Variants in TMEM117 observed in about 807,000 individuals in gnomAD.
The protein encoded by TMEM117 is transmembrane protein 117.
TMEM117 carries 27 observed loss-of-function variants against 52.4 expected under a neutral mutation model. That is an observed-to-expected ratio of 0.51 (90% confidence interval 0.38 to 0.71). The LOEUF (loss-of-function observed/expected upper bound fraction) is 0.71, where lower values mean the gene tolerates loss of function less well. Among genes scored for constraint, TMEM117 ranks in the 30% least tolerant of loss-of-function variants. The pLI, the probability that TMEM117 is intolerant of heterozygous loss-of-function variation, is 0.00. For missense variants in TMEM117, 556 were observed against 630.5 expected (o/e 0.88, Z 1.26); for synonymous variants, 215 against 206.3 (o/e 1.04, Z -0.36).
intron 6 of TMEM117, among the ~76,000 whole-genome samples, chr12:44,374,128 A>G (rs1951905181): frequency 6.6e-6 from 1 of 152,110 alleles, no homozygotes; most frequent in African/African-American, 2.4e-5. Flanking sequence ...TCTGCAAAAC[A>G]TTAGCAATTA....
intron 2 of TMEM117, among the ~76,000 whole-genome samples, chr12:43,888,031 AAG>A (rs1331147550): frequency 6.6e-6 from 1 of 152,178 alleles, no homozygotes; most frequent in Non-Finnish European, 1.5e-5. Flanking sequence ...AAATCTGTAG[AAG>A]AGAAGTAAAG....
chr12:44,198,062 T>G (rs1949444376), intron 4 of TMEM117, among the ~76,000 whole-genome samples: 1 of 152,196 alleles, frequency 6.6e-6, no homozygotes, highest in Non-Finnish European at 1.5e-5. Flanking sequence ...CATCTGCAGT[T>G]TCCATTCACT....
At chr12:44,155,219 G>C (rs1219044534) in intron 4 of TMEM117, among the ~76,000 whole-genome samples, 2 of 151,974 alleles carry the variant, frequency 1.3e-5, no homozygotes, top group Admixed American at 6.6e-5. Flanking sequence ...ACCCCACTGA[G>C]GGTCTCTCTT....
At chr12:44,095,348 AAAAT>A (rs1469093181) in intron 3 of TMEM117, among the ~76,000 whole-genome samples, 1 of 152,148 alleles carries the variant, frequency 6.6e-6, no homozygotes, top group African/African-American at 2.4e-5. Flanking sequence ...AACTTTGAGA[AAAAT>A]AAGTAAATTC....
intron 2 of TMEM117, among the ~76,000 whole-genome samples, chr12:43,924,547 A>G (rs1944747891): frequency 1.3e-5 from 2 of 152,228 alleles, no homozygotes; most frequent in Non-Finnish European, 2.9e-5. Context: ...TTATTTTCAC[A>G]AATGTTCTTT....
chr12:44,227,148 C>A (rs1194942188), intron 5 of TMEM117, among the ~76,000 whole-genome samples: 1 of 152,116 alleles, frequency 6.6e-6, no homozygotes, highest in Non-Finnish European at 1.5e-5. Context: ...ATTACAGGGT[C>A]ATAGCAGTAA....
intron 5 of TMEM117, among the ~76,000 whole-genome samples, chr12:44,260,354 G>T (rs182539431): frequency 7.2e-5 from 11 of 151,952 alleles, no homozygotes; most frequent in African/African-American, 2.7e-4. Flanking sequence ...ATGCTGCCTC[G>T]GCCATCAGGT....
chr12:44,370,505 CTTTTTT>C (rs947989035), intron 6 of TMEM117, among the ~76,000 whole-genome samples: 2 of 120,426 alleles, frequency 1.7e-5, no homozygotes, highest in Non-Finnish European at 3.4e-5. Context: ...CACAGAGATT[CTTTTTT>C]TTTTTTTTTT....
intron 3 of TMEM117, among the ~76,000 whole-genome samples, chr12:43,980,729 C>A (rs1213089628): frequency 1.3e-5 from 2 of 152,116 alleles, no homozygotes; most frequent in Admixed American, 6.5e-5. Context: ...TCTGGCCAAG[C>A]AACAGATGAA....
chr12:44,094,954 G>A (rs933075785), intron 3 of TMEM117, among the ~76,000 whole-genome samples: 13 of 152,018 alleles, frequency 8.6e-5, no homozygotes, highest in Non-Finnish European at 1.6e-4. Flanking sequence ...CGTATGTACC[G>A]TCATATTTTT....
At chr12:44,380,293 CT>C (rs1952002605) in intron 7 of TMEM117, among the ~76,000 whole-genome samples, 1 of 152,134 alleles carries the variant, frequency 6.6e-6, no homozygotes, top group African/African-American at 2.4e-5. Context: ...GGGAAAGGTG[CT>C]GGTCTGAGTG....
At chr12:43,891,626 A>G (rs1392924669) in intron 2 of TMEM117, among the ~76,000 whole-genome samples, 2 of 151,890 alleles carry the variant, frequency 1.3e-5, no homozygotes, top group Non-Finnish European at 2.9e-5. Context: ...TTGGCCTCCC[A>G]AAGTGCTGGG....
At chr12:44,023,066 T>G (rs923158513) in intron 3 of TMEM117, among the ~76,000 whole-genome samples, 4 of 152,160 alleles carry the variant, frequency 2.6e-5, no homozygotes, top group Admixed American at 6.6e-5. Context: ...AGACTGCCCT[T>G]GCATGAAAAC....
At chr12:43,863,935 G>T (rs1027475503) in intron 2 of TMEM117, among the ~76,000 whole-genome samples, 1 of 152,210 alleles carries the variant, frequency 6.6e-6, no homozygotes, top group Admixed American at 6.5e-5. Context: ...TGCGCCCGGC[G>T]CTTGCGGGCC....
chr12:44,310,063 A>T (rs1411269779), intron 6 of TMEM117, among the ~76,000 whole-genome samples: 1 of 152,156 alleles, frequency 6.6e-6, no homozygotes, highest in Non-Finnish European at 1.5e-5. Flanking sequence ...TCCTCTTGTT[A>T]CAAGATTTTT....
rs1428920475 is a variant in TMEM117 at position 44,388,539 on chromosome 12, C to T, written c.1412C>T (p.Ser471Phe). ...GACCCTTCTTTGGTTTGCATCAGGT[C>T]TGACTTCAATGAGATCGTCTACAAG... ...LNDPSLVCIR[S>F]DFNEIVYKSS... Residue 471 changes from serine (S) to phenylalanine (F), a missense_variant, in exon 8 of 8, where the codon TCT becomes TTT. By Grantham distance (155) the Ser-to-Phe change is radical. Transcript: ENST00000266534. The T allele has an allele frequency of 8.7e-6, 14 of 1,613,606 alleles. No individual in the cohort carries two copies. Among genetic ancestry groups the T allele is most frequent in the Non-Finnish European group, 1.2e-5 (14 of 1,179,642 alleles).
rs878916564 is a variant in TMEM117 at position 44,388,954 on chromosome 12, T to C, written c.*282T>C. 48 of 358,096 alleles carry C rather than the reference T, an allele frequency of 1.3e-4. No individual in the cohort carries two copies. In the South Asian group the frequency reaches 2.0e-3, roughly 15 times the overall value. The allele number at this position is 358,096 out of a possible 1,614,324, so 22.2% of individuals were successfully genotyped here. On this transcript the variant is annotated 3_prime_UTR_variant, in exon 8 of 8. Transcript: ENST00000266534. ...TAGTGGAAGATTAGCTGATGACCCA[T>C]GTATCTGATGTTCAACCATAGTGGT...
chr12:44,306,306 G>GA (rs1950902384), intron 6 of TMEM117, among the ~76,000 whole-genome samples: 1 of 151,604 alleles, frequency 6.6e-6, no homozygotes, highest in Non-Finnish European at 1.5e-5. Flanking sequence ...AAAAGAAAAA[G>GA]AAAAAAATGG....
the TMEM117 span, among the ~76,000 whole-genome samples, chr12:43,826,321 T>C: frequency 6.6e-6 from 1 of 152,242 alleles, no homozygotes. Flanking sequence ...TTCACATGTA[T>C]TAACTTAATC....
Sources: allele counts gnomAD v4.1 joint callset (sites outside exome capture counted in the v4.1 genomes callset), GRCh38; gene constraint gnomAD v4.1.1; transcripts MANE v1.5; gene names NCBI Gene and HGNC (gene_info 2026-07-23, HGNC 2026-07-21).